The following NLGN1 variants were observed in gnomAD, a reference collection of about 807,000 sequenced individuals.
The protein encoded by NLGN1 is neuroligin 1, also known as neuroligin-1.
A neutral mutation model predicts 65.5 loss-of-function variants in NLGN1; 12 were observed. That is an observed-to-expected ratio of 0.18 (90% CI 0.12 to 0.30). NLGN1 has a LOEUF of 0.30. NLGN1 is among the 10% of genes least tolerant of loss of function. The pLI is 1.00. For synonymous variants in NLGN1, 350 were observed against 359.5 expected (o/e 0.97, Z 0.30); for missense variants, 750 against 1,007.1 (o/e 0.74, Z 3.46).
intron 3 of NLGN1, among the ~76,000 whole-genome samples, chr3:173,682,143 G>A (rs1398782494): frequency 2.0e-5 from 3 of 151,992 alleles, no homozygotes; most frequent in Non-Finnish European, 4.4e-5. Context: ...TAATAGTAGT[G>A]CCCACATCAT....
chr3:174,185,109 G>A (rs996950878), intron 4 of NLGN1, among the ~76,000 whole-genome samples: 1 of 152,072 alleles, frequency 6.6e-6, no homozygotes, highest in African/African-American at 2.4e-5. Context: ...CTGTTGTGCT[G>A]TTTTTGGCTT....
the NLGN1 span, among the ~76,000 whole-genome samples, chr3:174,293,585 G>T: frequency 6.6e-6 from 1 of 151,662 alleles, no homozygotes; most frequent in East Asian, 1.9e-4. Context: ...GAAGCTAGAA[G>T]AAATTGGATA....
chr3:173,457,094 T>C (rs951173446), intron 2 of NLGN1, among the ~76,000 whole-genome samples: 2 of 152,006 alleles, frequency 1.3e-5, no homozygotes, highest in African/African-American at 4.8e-5. Flanking sequence ...ATGTATTCAG[T>C]GGAGGATGAT....
intron 3 of NLGN1, among the ~76,000 whole-genome samples, chr3:173,774,377 C>G (rs1443317739): frequency 1.3e-5 from 2 of 152,182 alleles, no homozygotes; most frequent in African/African-American, 2.4e-5. Context: ...TCTGGACACT[C>G]ACTAATATTT....
At chr3:173,563,836 C>T (rs1261189255) in intron 2 of NLGN1, among the ~76,000 whole-genome samples, 3 of 152,188 alleles carry the variant, frequency 2.0e-5, no homozygotes, top group Non-Finnish European at 4.4e-5. Context: ...GCTTCTTGCT[C>T]GTCTTCCTGT....
At chr3:173,711,454 C>T (rs948379440) in intron 3 of NLGN1, among the ~76,000 whole-genome samples, 1 of 152,020 alleles carries the variant, frequency 6.6e-6, no homozygotes, top group African/African-American at 2.4e-5. Flanking sequence ...TCCTTAAATC[C>T]AACTAGGATT....
At chr3:173,409,605 G>T (rs546738000) in intron 1 of NLGN1, among the ~76,000 whole-genome samples, 195 of 152,114 alleles carry the variant, frequency 1.3e-3, no homozygotes, top group African/African-American at 4.5e-3. Flanking sequence ...AGTCAACAAT[G>T]TCTCTTACAC....
intron 4 of NLGN1, among the ~76,000 whole-genome samples, chr3:174,186,529 A>G (rs1376271987): frequency 6.6e-6 from 1 of 152,064 alleles, no homozygotes; most frequent in Admixed American, 6.6e-5. Context: ...TCATTCTGAT[A>G]CATCAGAGTC....
intron 4 of NLGN1, among the ~76,000 whole-genome samples, chr3:173,831,365 T>C (rs1722516473): frequency 6.6e-6 from 1 of 152,140 alleles, no homozygotes; most frequent in Non-Finnish European, 1.5e-5. Flanking sequence ...TTTAAAGAAA[T>C]GTGTGTTTCA....
intron 4 of NLGN1, among the ~76,000 whole-genome samples, chr3:174,154,624 G>GTT (rs1235049579): frequency 6.6e-6 from 1 of 151,820 alleles, no homozygotes; most frequent in East Asian, 1.9e-4. Context: ...ATGACTTAAT[G>GTT]AAGTACAGCT....
intron 4 of NLGN1, among the ~76,000 whole-genome samples, chr3:174,061,058 C>A (rs1737305178): frequency 6.6e-6 from 1 of 152,024 alleles, no homozygotes; most frequent in African/African-American, 2.4e-5. Context: ...TAAATAAGGT[C>A]TCAATATCTA....
intron 4 of NLGN1, among the ~76,000 whole-genome samples, chr3:174,017,552 C>A (rs1252319390): frequency 6.6e-6 from 1 of 152,068 alleles, no homozygotes; most frequent in African/African-American, 2.4e-5. Context: ...CATTAATTCA[C>A]GTAGGTTCTT....
intron 3 of NLGN1, among the ~76,000 whole-genome samples, chr3:173,629,501 A>G (rs886775300): frequency 5.3e-5 from 8 of 152,196 alleles, no homozygotes; most frequent in Admixed American, 5.2e-4. Context: ...TTTAAATTAA[A>G]AAGACATATT....
intron 4 of NLGN1, among the ~76,000 whole-genome samples, chr3:174,102,857 A>G (rs977572467): frequency 6.6e-6 from 1 of 152,104 alleles, no homozygotes. Flanking sequence ...AAGCATGCCT[A>G]TTTGCCTTCA....
chr3:174,154,432 T>G (rs1002212230), intron 4 of NLGN1, among the ~76,000 whole-genome samples: 1 of 151,954 alleles, frequency 6.6e-6, no homozygotes, highest in Non-Finnish European at 1.5e-5. Context: ...ACAAAGTAAG[T>G]GATTTGGTCC....
chr3:173,541,779 G>A (rs1057060157), intron 2 of NLGN1, among the ~76,000 whole-genome samples: 2 of 151,986 alleles, frequency 1.3e-5, no homozygotes, highest in African/African-American at 4.8e-5. Flanking sequence ...TAATGTTGCT[G>A]GCATCTGGTT....
At chr3:173,550,753 C>G (rs62292671) in intron 2 of NLGN1, among the ~76,000 whole-genome samples, 1 of 151,590 alleles carries the variant, frequency 6.6e-6, no homozygotes, top group Non-Finnish European at 1.5e-5. Flanking sequence ...CTAACACAGG[C>G]GTTAATGGTA....
At chr3:174,125,219 CTG>C (rs1178766506) in intron 4 of NLGN1, among the ~76,000 whole-genome samples, 1 of 147,110 alleles carries the variant, frequency 6.8e-6, no homozygotes, top group African/African-American at 2.4e-5. Flanking sequence ...TTTGATGACT[CTG>C]TGTAGGATGA....
chr3:173,981,493 G>T (rs1021684775), intron 4 of NLGN1, among the ~76,000 whole-genome samples: 1 of 152,086 alleles, frequency 6.6e-6, no homozygotes, highest in Non-Finnish European at 1.5e-5. Context: ...GATGTAACAC[G>T]TAACTCCAAC....
Sources: gnomAD v4.1 joint callset for allele counts (sites outside exome capture counted in the v4.1 genomes callset) on GRCh38, gnomAD v4.1.1 for gene constraint, MANE v1.5 for transcripts, NCBI Gene and HGNC (gene_info 2026-07-23, HGNC 2026-07-21) for gene names.